HYKK: variants seen among roughly 807,000 people sequenced by gnomAD.
HYKK encodes the protein hydroxylysine kinase, also known as 5-hydroxy-L-lysine kinase.
In HYKK, 19 loss-of-function variants were observed where a neutral mutation model predicts 29.7. That is an observed-to-expected ratio of 0.64 (90% confidence interval 0.45 to 0.94). The LOEUF is 0.94. Among genes scored for constraint, HYKK ranks in the 40% least tolerant of loss-of-function variants. The pLI is 0.00. For missense variants in HYKK, 390 were observed against 443.4 expected, an observed-to-expected ratio of 0.88 and a Z score of 1.08; for synonymous variants, 152 against 158.1, an observed-to-expected ratio of 0.96 and a Z score of 0.29.
intron 3 of HYKK, among the ~76,000 whole-genome samples, chr15:78,520,961 G>C (rs1212294168): frequency 1.3e-5 from 2 of 151,826 alleles, no homozygotes; most frequent in African/African-American, 4.8e-5. Flanking sequence ...TGGCCGGGCG[G>C]GGGGCTGACC....
intron 3 of HYKK, among the ~76,000 whole-genome samples, chr15:78,521,639 A>G (rs1247744633): frequency 1.3e-5 from 2 of 152,104 alleles, no homozygotes; most frequent in African/African-American, 4.8e-5. Context: ...CAAGGACAAC[A>G]CTGATTTTAA....
At chr15:78,512,976 G>T (rs778613437) in intron 1 of HYKK, 108 bp from the exon 2 acceptor site, 129 of 638,766 alleles carry the variant, frequency 2.0e-4, no homozygotes, top group Non-Finnish European at 2.9e-4. Flanking sequence ...ACAATCAAAA[G>T]AAGTACAGAA....
Position 78,513,375 on chromosome 15 carries a change from C to A in HYKK, c.287C>A (p.Ala96Asp). 1 of 1,614,172 alleles carries A rather than the reference C, an allele frequency of 6.2e-7. No homozygotes were observed. Among genetic ancestry groups the A allele is most frequent in the Non-Finnish European group, 8.5e-7 (1 of 1,180,026 alleles). ...CTGAAAGCCGCTGGATTTCCAACAGCCTCTGTGTGTCACACTAAAGGAGAC... is the reference window on the plus strand; with the variant it reads ...CTGAAAGCCGCTGGATTTCCAACAGACTCTGTGTGTCACACTAAAGGAGAC... ...MFLKAAGFPT[A>D]SVCHTKGDNT... Residue 96 changes from alanine to aspartate, a missense_variant, in exon 2 of 5, where the codon GCC becomes GAC. Coordinates refer to ENST00000388988, the MANE Select transcript of HYKK (RefSeq NM_001013619.4).
chr15:78,517,600 C>A lies in HYKK; in HGVS notation c.477+2493C>A, dbSNP rs2141356452. On this transcript the variant is annotated intron_variant, in intron 3 of 4. Transcript: ENST00000388988. ...TCTTAAAAAAAAAAGAAAAAAAATTCTCTTTATCTCCAGTTTTGAGCAGTT... is the reference window on the plus strand; with the variant it reads ...TCTTAAAAAAAAAAGAAAAAAAATTATCTTTATCTCCAGTTTTGAGCAGTT... Among the ~76,000 whole-genome samples the A allele has an allele frequency of 1.3e-5, 2 of 152,002 alleles. 1 individual carries two copies. The highest frequency in any genetic ancestry group is 4.8e-5 in the African/African-American group (2 of 41,492).
At chr15:78,524,032 A>C (rs555468664) in intron 3 of HYKK, among the ~76,000 whole-genome samples, 54 of 152,296 alleles carry the variant, frequency 3.5e-4, no homozygotes, top group Non-Finnish European at 6.6e-4. Context: ...TGGATCTACC[A>C]TTCTGGGGTC....
chr15:78,520,690 T>TC (rs1242490866), intron 3 of HYKK, among the ~76,000 whole-genome samples: 1 of 151,784 alleles, frequency 6.6e-6, no homozygotes, highest in Non-Finnish European at 1.5e-5. Context: ...TCCCCACCTC[T>TC]CCCCCCTTTC....
At chr15:78,511,782 C>G (rs1355824590) in intron 1 of HYKK, among the ~76,000 whole-genome samples, 1 of 151,968 alleles carries the variant, frequency 6.6e-6, no homozygotes, top group Non-Finnish European at 1.5e-5. Context: ...CCTGTAATCC[C>G]AGCACTTTGG....
chr15:78,509,402 A>C (rs2052048771), intron 1 of HYKK, among the ~76,000 whole-genome samples: 1 of 152,200 alleles, frequency 6.6e-6, no homozygotes, highest in Non-Finnish European at 1.5e-5. Flanking sequence ...GGATGGCCAG[A>C]GCTAACAACC....
chr15:78,534,824 G>A lies in HYKK; in HGVS notation c.*1154G>A, dbSNP rs1051896354. ...TCCAGGCAAGGCCACTAACCCCTGAGCTACTTAAATATAATGGTTCCTTTC... is the reference window on the plus strand; with the variant it reads ...TCCAGGCAAGGCCACTAACCCCTGAACTACTTAAATATAATGGTTCCTTTC... On this transcript the variant is annotated 3_prime_UTR_variant, in exon 5 of 5. Transcript: ENST00000388988. 6.6e-6 allele frequency: 1 copy of A among 152,182 alleles called. No individual in the cohort carries two copies. The highest frequency in any genetic ancestry group is 1.9e-4 in the East Asian group (1 of 5,198). The allele number at this position is 152,182 out of a possible 1,614,324, so 9.4% of individuals were successfully genotyped here.
chr15:78,519,444 C>A (rs2052168792), intron 3 of HYKK, among the ~76,000 whole-genome samples: 1 of 152,166 alleles, frequency 6.6e-6, no homozygotes, highest in South Asian at 2.1e-4. Context: ...GAAATCTTCA[C>A]ATATTAATTT....
intron 3 of HYKK, among the ~76,000 whole-genome samples, chr15:78,516,974 G>A (rs1208239270): frequency 2.0e-5 from 3 of 151,574 alleles, no homozygotes; most frequent in African/African-American, 4.8e-5. Flanking sequence ...GTGAGTTATC[G>A]CACCACTGCA....
rs956503749 is a variant in HYKK, at chr15:78,534,437, G to A, written c.*767G>A. On this transcript the variant is annotated 3_prime_UTR_variant, in exon 5 of 5. Transcript: ENST00000388988. ...GCTAATTTTTTTTGTATTTTTAGTAGAGACAGGGTTTCACCGTGTTAGCCA... is the reference window on the plus strand; with the variant it reads ...GCTAATTTTTTTTGTATTTTTAGTAAAGACAGGGTTTCACCGTGTTAGCCA... 2 of 151,800 alleles carry A rather than the reference G, an allele frequency of 1.3e-5. No homozygotes were observed. Among genetic ancestry groups the A allele is most frequent in the Non-Finnish European group, 2.9e-5 (2 of 67,988 alleles). The allele number at this position is 151,800 out of a possible 1,614,324, so 9.4% of individuals were successfully genotyped here.
At chr15:78,526,784 C>T (rs541544060) in intron 3 of HYKK, among the ~76,000 whole-genome samples, 1 of 152,256 alleles carries the variant, frequency 6.6e-6, no homozygotes, top group Non-Finnish European at 1.5e-5. Context: ...GAATGTGCTC[C>T]CCAAACTGAG....
Position 78,533,607 on chromosome 15 carries a change from G to T in HYKK, c.1059G>T (p.Gln353His). Residue 353 changes from glutamine to histidine, a missense_variant, in exon 5 of 5, where the codon CAG becomes CAT. Coordinates refer to ENST00000388988, the MANE Select transcript of HYKK (RefSeq NM_001013619.4). ...TACAGCAAATGTTTGACATGGGTCA[G>T]AAAGCTGTAGAAGAAATCTGGTTTG... ...KHLQQMFDMG[Q>H]KAVEEIWFET... 15 of 1,614,236 alleles carry T rather than the reference G, an allele frequency of 9.3e-6. No homozygotes were observed. Among genetic ancestry groups the T allele is most frequent in the Non-Finnish European group, 1.3e-5 (15 of 1,180,040 alleles).
Position 78,518,615 on chromosome 15 carries a change from T to A in HYKK, c.477+3508T>A, listed in dbSNP as rs146085040. 2.3e-3 allele frequency: 1,054 copies of A among 455,362 alleles called. 1 individual carries two copies. The highest frequency in any genetic ancestry group is 3.0e-3 in the Non-Finnish European group (691 of 226,854). The allele number at this position is 455,362 out of a possible 1,614,324, so 28.2% of individuals were successfully genotyped here. A position where few individuals can be genotyped will look rare whatever the true frequency, so the allele number is the denominator to read the frequency against. ...GGGTAAGCCCCGCGTTACACCCCTATTGGCCAAAAACTGAAGACCAGGCCG... is the reference window on the plus strand; with the variant it reads ...GGGTAAGCCCCGCGTTACACCCCTAATGGCCAAAAACTGAAGACCAGGCCG... On this transcript the variant is annotated intron_variant, in intron 3 of 4. Transcript: ENST00000388988.
chr15:78,514,924 A>G lies in HYKK; in HGVS notation c.338-44A>G. 2 of 760,484 alleles carry G rather than the reference A, an allele frequency of 2.6e-6. 1 individual carries two copies. Among genetic ancestry groups the G allele is most frequent in the South Asian group, 7.1e-5 (2 of 28,150 alleles). The allele number at this position is 760,484 out of a possible 1,614,324, so 47.1% of individuals were successfully genotyped here. On this transcript the variant is annotated intron_variant, in intron 2 of 4. Transcript: ENST00000388988. Reference sequence around the variant, plus strand: ...TCTCTCTCTCTATATATATATATATATATAAATAATTTAGTCAAAGGATAT... The same window carrying G: ...TCTCTCTCTCTATATATATATATATGTATAAATAATTTAGTCAAAGGATAT...
At chr15:78,507,837 A>G (rs181917780) in intron 1 of HYKK, among the ~76,000 whole-genome samples, 166 bp downstream of exon 1, 89 of 152,316 alleles carry the variant, frequency 5.8e-4, no homozygotes, top group African/African-American at 2.1e-3. Flanking sequence ...GTGATGGGCA[A>G]GTCACCCTTC....
At chr15:78,516,782 G>A (rs2052137747) in intron 3 of HYKK, among the ~76,000 whole-genome samples, 1 of 85,266 alleles carries the variant, frequency 1.2e-5, no homozygotes, top group African/African-American at 4.9e-5. Flanking sequence ...CATTTTGGGA[G>A]GCCAAAGCAG....
chr15:78,521,807 T>C (rs1229279044), intron 3 of HYKK, among the ~76,000 whole-genome samples: 2 of 152,120 alleles, frequency 1.3e-5, no homozygotes, highest in Admixed American at 6.6e-5. Context: ...AACCTAGATC[T>C]GTCTGAGTGA....
Sources: allele counts gnomAD v4.1 joint callset (sites outside exome capture counted in the v4.1 genomes callset), GRCh38; gene constraint gnomAD v4.1.1; transcripts MANE v1.5; gene names NCBI Gene and HGNC (gene_info 2026-07-23, HGNC 2026-07-21).